ERC1: variants seen among roughly 807,000 people sequenced by gnomAD.
ERC1 encodes ELKS/RAB6-interacting/CAST family member 1.
ERC1 carries 56 observed loss-of-function variants against 132.0 expected under a neutral mutation model. That is an observed-to-expected ratio of 0.42 (90% confidence interval 0.34 to 0.53). The LOEUF is 0.53. Among genes scored for constraint, ERC1 ranks in the 20% least tolerant of loss-of-function variants. ERC1 has a pLI of 0.03. For synonymous variants in ERC1, 478 were observed against 476.1 expected (o/e 1.00, Z -0.05); for missense variants, 1,202 against 1,349.9 (o/e 0.89, Z 1.72).
intron 1 of ERC1, among the ~76,000 whole-genome samples, chr12:1,009,424 T>G (rs1592668484): frequency 6.6e-6 from 1 of 152,186 alleles, no homozygotes; most frequent in African/African-American, 2.4e-5. Flanking sequence ...TCCGCCCACC[T>G]CGGCCTCCCA....
At chr12:1,272,635 A>T (rs879189759) in intron 14 of ERC1, among the ~76,000 whole-genome samples, 3 of 152,042 alleles carry the variant, frequency 2.0e-5, no homozygotes, top group Admixed American at 2.0e-4. Context: ...CCTATTTTAC[A>T]TCCATGGTCT....
Position 1,200,503 on chromosome 12 carries a change from A to G in ERC1, c.2351+10451A>G, listed in dbSNP as rs1285631965. Among the ~76,000 whole-genome samples, 3 of 152,096 alleles carry G rather than the reference A, an allele frequency of 2.0e-5. No individual in the cohort carries two copies. In the East Asian group the frequency reaches 5.8e-4, roughly 29 times the overall value. The stretch of plus-strand genomic sequence containing the variant: ...TTAGAGAGACCAATGTATATATGTT[A>G]TAAAAGAGAAGTAGCACTCTTTTCT... On this transcript the variant is annotated intron_variant, in intron 12 of 18. Coordinates refer to ENST00000360905, the MANE Select transcript of ERC1 (RefSeq NM_178040.4).
At chr12:1,210,127 AAG>A (rs1566255972) in intron 12 of ERC1, among the ~76,000 whole-genome samples, 1 of 152,220 alleles carries the variant, frequency 6.6e-6, no homozygotes, top group Non-Finnish European at 1.5e-5. Context: ...AACTGGAGAA[AAG>A]AGTCACAAAC....
chr12:1,003,099 AAAAAAAAAAAAAAAAGACTC>A (rs927847222), intron 1 of ERC1, among the ~76,000 whole-genome samples: 1 of 132,148 alleles, frequency 7.6e-6, no homozygotes, highest in Non-Finnish European at 1.7e-5. Flanking sequence ...AAAAATGCAA[AAAAAAAAAAAAAAAAGACTC>A]AAAAAAAAAA....
At chr12:1,274,546 G>T (rs1223778476) in intron 14 of ERC1, among the ~76,000 whole-genome samples, 1 of 151,772 alleles carries the variant, frequency 6.6e-6, no homozygotes, top group Non-Finnish European at 1.5e-5. Flanking sequence ...AGGCTGGAGT[G>T]CAGTGGTGCG....
chr12:1,118,239 T>TGGCA (rs2154212717), intron 7 of ERC1, among the ~76,000 whole-genome samples: 1 of 152,280 alleles, frequency 6.6e-6, no homozygotes, highest in African/African-American at 2.4e-5. Context: ...TGGATGGAGG[T>TGGCA]GGCAGGTGTA....
intron 15 of ERC1, among the ~76,000 whole-genome samples, chr12:1,357,441 G>A (rs530321551): frequency 5.4e-4 from 83 of 152,318 alleles, no homozygotes; most frequent in Middle Eastern, 3.4e-3. Context: ...ATTAATTGCC[G>A]AAAGCATTCA....
At chr12:1,338,807 T>C (rs554187192) in intron 15 of ERC1, among the ~76,000 whole-genome samples, 1 of 152,174 alleles carries the variant, frequency 6.6e-6, no homozygotes, top group Non-Finnish European at 1.5e-5. Context: ...TGGAAGACTT[T>C]AGGGGGCCAA....
chr12:1,444,850 A>AG (rs3214212), intron 18 of ERC1, 100 bp downstream of exon 18: 73,446 of 1,015,766 alleles, frequency 0.072, 10,677 homozygotes, highest in African/African-American at 0.54. Flanking sequence ...GTTGCCGTGT[A>AG]GTTGATGCAG....
At chr12:1,388,221 C>T (rs923067820) in intron 16 of ERC1, among the ~76,000 whole-genome samples, 3 of 151,838 alleles carry the variant, frequency 2.0e-5, no homozygotes, top group Non-Finnish European at 2.9e-5. Context: ...TGGTGGTGGG[C>T]ACCTGTAGTC....
At chr12:1,187,395 T>C (rs1260379605) in intron 11 of ERC1, among the ~76,000 whole-genome samples, 1 of 152,040 alleles carries the variant, frequency 6.6e-6, no homozygotes, top group East Asian at 1.9e-4. Context: ...TCTTTAAAGA[T>C]TGTCATTTAG....
chr12:999,039 TA>T (rs1961584223), intron 1 of ERC1, among the ~76,000 whole-genome samples: 1 of 151,974 alleles, frequency 6.6e-6, no homozygotes, highest in South Asian at 2.1e-4. Context: ...TTTGTATTTT[TA>T]GTAGAGATGG....
intron 16 of ERC1, among the ~76,000 whole-genome samples, chr12:1,391,914 T>A (rs1021954904): frequency 6.6e-6 from 1 of 152,244 alleles, no homozygotes; most frequent in African/African-American, 2.4e-5. Flanking sequence ...TCCAGGGAGC[T>A]GCAGGTCACA....
chr12:1,334,827 G>A (rs1397519529), intron 15 of ERC1, among the ~76,000 whole-genome samples: 1 of 152,088 alleles, frequency 6.6e-6, no homozygotes, highest in African/African-American at 2.4e-5. Context: ...GTTCAGTGTG[G>A]CCATTAAACG....
intron 2 of ERC1, among the ~76,000 whole-genome samples, chr12:1,045,865 A>G (rs1285566535): frequency 6.6e-6 from 1 of 152,168 alleles, no homozygotes; most frequent in Non-Finnish European, 1.5e-5. Flanking sequence ...GCTCCTGAGA[A>G]GGGGTTAACA....
chr12:1,161,352 A>G (rs920549221), intron 8 of ERC1, among the ~76,000 whole-genome samples: 1 of 152,178 alleles, frequency 6.6e-6, no homozygotes, highest in South Asian at 2.1e-4. Context: ...AGTGGTGTCA[A>G]TAAAAACGAG....
chr12:1,267,444 A>G (rs2077550000), intron 14 of ERC1, among the ~76,000 whole-genome samples: 1 of 152,258 alleles, frequency 6.6e-6, no homozygotes, highest in South Asian at 2.1e-4. Flanking sequence ...GAATTTTAAC[A>G]TTTTAAAAGA....
intron 15 of ERC1, among the ~76,000 whole-genome samples, chr12:1,342,480 AAAC>A (rs1238073077): frequency 1.9e-4 from 29 of 151,772 alleles, no homozygotes; most frequent in African/African-American, 6.3e-4. Flanking sequence ...AAAAAAAAAA[AAAC>A]AAAAAAAAGA....
At chr12:1,115,042 G>A (rs1946302074) in intron 6 of ERC1, among the ~76,000 whole-genome samples, 1 of 152,092 alleles carries the variant, frequency 6.6e-6, no homozygotes, top group Non-Finnish European at 1.5e-5. Flanking sequence ...TGTTTCATCA[G>A]TGACACCGAA....
Sources: gnomAD v4.1 joint callset for allele counts (sites outside exome capture counted in the v4.1 genomes callset) on GRCh38, gnomAD v4.1.1 for gene constraint, MANE v1.5 for transcripts, NCBI Gene and HGNC (gene_info 2026-07-23, HGNC 2026-07-21) for gene names.